The following ATRX variants were observed in gnomAD, a reference collection of about 807,000 sequenced individuals.
The protein encoded by ATRX is ATRX chromatin remodeler.
A neutral mutation model predicts 172.6 loss-of-function variants in ATRX; 12 were observed. That is an observed-to-expected ratio of 0.07 (90% confidence interval 0.04 to 0.11). ATRX has a LOEUF of 0.11. ATRX is among the 10% of genes least tolerant of loss of function. The pLI, the probability that ATRX is intolerant of heterozygous loss-of-function variation, is 1.00. For synonymous variants in ATRX, 674 were observed against 594.7 expected, an observed-to-expected ratio of 1.13 and a Z score of -1.94; for missense variants, 1,368 against 1,767.4, an observed-to-expected ratio of 0.77 and a Z score of 4.05.
At chrX:77,555,778 C>T (rs782179681) in intron 30 of ATRX, among the ~76,000 whole-genome samples, 9 of 110,428 alleles carry the variant, frequency 8.2e-5, no homozygotes, top group Non-Finnish European at 1.7e-4. Flanking sequence ...ACCTAGATGA[C>T]GGGTTGATAG....
intron 22 of ATRX, among the ~76,000 whole-genome samples, chrX:77,608,977 G>T (rs2067038414): frequency 9.0e-6 from 1 of 111,641 alleles, no homozygotes; most frequent in African/African-American, 3.3e-5. Context: ...ATGGAAAATA[G>T]GTATAAGAAA....
chrX:77,664,656 G>A lies in ATRX; in HGVS notation c.3932C>T (p.Pro1311Leu), dbSNP rs2148496544. ...TCTGGGGAGCTCACCCTCATCTCCT[G>A]GGTTTTCTTCATTTTGTTTTCCAGT... ...KRTGKQNEEN[P>L]GDEEAKNQVN... Residue 1311 changes from proline (P) to leucine (L), a missense_variant, in exon 11 of 35, where the codon CCA becomes CTA. Physicochemically the swap from Pro to Leu is moderately conservative, Grantham distance 98. This residue lies in a region of ATRX where 119 missense variants were observed against 131.3 expected (regional missense o/e 0.91). Coordinates refer to ENST00000373344, the MANE Select transcript of ATRX (RefSeq NM_000489.6). 1 of 1,210,833 alleles carries A rather than the reference G, an allele frequency of 8.3e-7. No homozygotes were observed. The highest frequency in any genetic ancestry group is 1.1e-6 in the Non-Finnish European group (1 of 894,992).
At chrX:77,586,887 T>C (rs1253834555) in intron 27 of ATRX, among the ~76,000 whole-genome samples, 2 of 110,001 alleles carry the variant, frequency 1.8e-5, no homozygotes, top group Non-Finnish European at 3.8e-5. Context: ...AAACCCCATC[T>C]CTACAAAAAA....
At chrX:77,738,558 C>CTTTTTTTTTTTTTTTTT (rs781834798) in intron 1 of ATRX, among the ~76,000 whole-genome samples, 1 of 73,543 alleles carries the variant, frequency 1.4e-5, no homozygotes, top group Admixed American at 1.5e-4. Flanking sequence ...TCTTTTGTGT[C>CTTTTTTTTTTTTTTTTT]TTTTTTTTTT....
chrX:77,554,116 C>T (rs1569522117), intron 30 of ATRX, among the ~76,000 whole-genome samples: 1 of 110,966 alleles, frequency 9.0e-6, no homozygotes, highest in Non-Finnish European at 1.9e-5. Flanking sequence ...ACCAGCCTGG[C>T]CAACATGGTG....
At chrX:77,521,261 G>T in intron 33 of ATRX, 142 bp downstream of exon 33, 1 of 516,172 alleles carries the variant, frequency 1.9e-6, no homozygotes, top group Non-Finnish European at 3.3e-6. Flanking sequence ...GTTACGGTTT[G>T]GCATTATCCA....
intron 28 of ATRX, among the ~76,000 whole-genome samples, chrX:77,572,242 A>G (rs1460955910): frequency 9.0e-6 from 1 of 111,410 alleles, no homozygotes; most frequent in Non-Finnish European, 1.9e-5. Flanking sequence ...TAAATTCACC[A>G]AACTCCAAAA....
intron 22 of ATRX, 147 bp from the exon 23 acceptor site, chrX:77,600,711 A>C: frequency 7.3e-6 from 4 of 551,545 alleles, no homozygotes; most frequent in Non-Finnish European, 1.2e-5. Flanking sequence ...GTTTTGAAAC[A>C]CATAAAACAA....
intron 15 of ATRX, among the ~76,000 whole-genome samples, chrX:77,651,513 T>G (rs2069241327): frequency 8.9e-6 from 1 of 111,932 alleles, no homozygotes; most frequent in Non-Finnish European, 1.9e-5. Context: ...TAATGACTAT[T>G]TTAAGTTGCA....
intron 10 of ATRX, among the ~76,000 whole-genome samples, chrX:77,669,223 T>C (rs189310778): frequency 8.9e-6 from 1 of 111,823 alleles, no homozygotes. Context: ...AATCCCAATC[T>C]GCTATTAATT....
At chrX:77,754,479 G>A (rs1261380683) in intron 1 of ATRX, among the ~76,000 whole-genome samples, 2 of 112,034 alleles carry the variant, frequency 1.8e-5, no homozygotes, top group African/African-American at 3.2e-5. Flanking sequence ...GCTAGTACCA[G>A]TTTTTCCTTT....
At chrX:77,629,863 G>T (rs1340674368) in intron 19 of ATRX, among the ~76,000 whole-genome samples, 1 of 112,026 alleles carries the variant, frequency 8.9e-6, no homozygotes, top group Non-Finnish European at 1.9e-5. Context: ...GGGCAATTAG[G>T]CAAGAAAAAG....
At chrX:77,515,441 G>C (rs1013123958) in intron 34 of ATRX, among the ~76,000 whole-genome samples, 3 of 110,096 alleles carry the variant, frequency 2.7e-5, no homozygotes, top group African/African-American at 9.9e-5. Context: ...AAAAATCCAC[G>C]TGTGTAAAGG....
intron 12 of ATRX, 148 bp from the exon 13 acceptor site, chrX:77,656,801 T>A (rs376251411): frequency 7.2e-6 from 3 of 416,282 alleles, no homozygotes; most frequent in Non-Finnish European, 1.2e-5. Flanking sequence ...ATATAGAATA[T>A]ACCAGTTAAT....
intron 14 of ATRX, among the ~76,000 whole-genome samples, chrX:77,653,893 A>G (rs1441333642): frequency 8.9e-6 from 1 of 111,844 alleles, no homozygotes. Flanking sequence ...ATAAAATTCC[A>G]TTAGAAATTA....
intron 5 of ATRX, among the ~76,000 whole-genome samples, chrX:77,694,826 T>C (rs182342796): frequency 1.0e-5 from 1 of 98,853 alleles, no homozygotes; most frequent in East Asian, 3.2e-4. Context: ...AATATGGCTC[T>C]ATGTTATTCA....
At chrX:77,600,740 C>T (rs2066643339) in intron 22 of ATRX, 176 bp from the exon 23 acceptor site, 1 of 422,879 alleles carries the variant, frequency 2.4e-6, no homozygotes, top group East Asian at 4.2e-5. Flanking sequence ...ACAAAAGAAA[C>T]CCATCATATA....
At chrX:77,616,130 C>A in intron 22 of ATRX, 2 of 775,484 alleles carry the variant, frequency 2.6e-6, no homozygotes, top group Admixed American at 7.7e-5. Flanking sequence ...ACAAAAGCAC[C>A]CAGAAAACAA....
chrX:77,671,167 A>AAAT (rs1424480831), intron 10 of ATRX, among the ~76,000 whole-genome samples: 16 of 15,735 alleles, frequency 1.0e-3, no homozygotes, highest in Admixed American at 5.8e-3. Context: ...AAAAAAAAAA[A>AAAT]ATATATATAT....
Sources: allele counts gnomAD v4.1 joint callset (sites outside exome capture counted in the v4.1 genomes callset), GRCh38; gene constraint gnomAD v4.1.1; regional missense constraint gnomAD v4.1.1; transcripts MANE v1.5; gene names NCBI Gene and HGNC (gene_info 2026-07-23, HGNC 2026-07-21).